The following CSMD2 variants were observed in gnomAD, a reference collection of about 807,000 sequenced individuals.
CSMD2 encodes CUB and sushi domain-containing protein 2.
A neutral mutation model predicts 398.5 loss-of-function variants in CSMD2; 130 were observed. The observed-to-expected ratio is 0.33, with a 90% confidence interval of 0.28 to 0.38. The LOEUF (loss-of-function observed/expected upper bound fraction) is 0.38, where lower values mean the gene tolerates loss of function less well. CSMD2 is among the 10% of genes least tolerant of loss of function. CSMD2 has a pLI of 1.00. For synonymous variants in CSMD2, 1,828 were observed against 1,908.5 expected, an observed-to-expected ratio of 0.96 and a Z score of 1.10; for missense variants, 3,829 against 4,764.9, an observed-to-expected ratio of 0.80 and a Z score of 5.78.
intron 5 of CSMD2, among the ~76,000 whole-genome samples, chr1:33,916,882 G>A (rs752637590): frequency 2.6e-5 from 4 of 152,082 alleles, no homozygotes; most frequent in African/African-American, 4.8e-5. Flanking sequence ...TGTTCCTACC[G>A]CCATGAAACC....
At chr1:34,035,218 A>G (rs1650966088) in intron 2 of CSMD2, among the ~76,000 whole-genome samples, 1 of 152,178 alleles carries the variant, frequency 6.6e-6, no homozygotes, top group South Asian at 2.1e-4. Context: ...TGAATTAGTA[A>G]TTTTAAAACT....
At chr1:34,063,399 T>C (rs900890003) in intron 2 of CSMD2, among the ~76,000 whole-genome samples, 17 of 152,196 alleles carry the variant, frequency 1.1e-4, no homozygotes, top group African/African-American at 4.1e-4. Context: ...CCTAGCTACA[T>C]GGCGGTACAG....
chr1:33,662,141 C>A (rs1166308429), intron 26 of CSMD2, among the ~76,000 whole-genome samples: 1 of 152,168 alleles, frequency 6.6e-6, no homozygotes, highest in Non-Finnish European at 1.5e-5. Flanking sequence ...GATGTTTGAG[C>A]ATTGGCCATT....
At chr1:33,986,276 A>G (rs114719472) in intron 3 of CSMD2, among the ~76,000 whole-genome samples, 2,172 of 152,084 alleles carry the variant, frequency 0.014, 24 homozygotes, top group Non-Finnish European at 0.02. Context: ...CTCTCAATCC[A>G]TGTCTTTCTG....
intron 2 of CSMD2, among the ~76,000 whole-genome samples, chr1:34,041,786 A>G (rs1651872819): frequency 6.6e-6 from 1 of 152,190 alleles, no homozygotes; most frequent in Admixed American, 6.5e-5. Flanking sequence ...CAATGTCCTC[A>G]TGAAATGCTT....
intron 6 of CSMD2, 80 bp from the exon 7 acceptor site, chr1:33,825,854 C>T: frequency 1.7e-6 from 2 of 1,161,940 alleles, no homozygotes; most frequent in South Asian, 1.3e-5. Flanking sequence ...AGGATTCCCC[C>T]TTGTGCCTTG....
chr1:34,073,366 T>G (rs1167695863), intron 2 of CSMD2, among the ~76,000 whole-genome samples: 1 of 152,268 alleles, frequency 6.6e-6, no homozygotes, highest in East Asian at 1.9e-4. Context: ...GAATCCATGT[T>G]TCTAATTAGT....
At chr1:33,872,740 T>C (rs1051499707) in intron 5 of CSMD2, among the ~76,000 whole-genome samples, 11 of 152,116 alleles carry the variant, frequency 7.2e-5, no homozygotes, top group African/African-American at 2.2e-4. Context: ...AATGAGGCCA[T>C]TGGACCCCTA....
At chr1:34,009,024 C>T (rs2148060457) in intron 3 of CSMD2, among the ~76,000 whole-genome samples, 1 of 152,260 alleles carries the variant, frequency 6.6e-6, no homozygotes, top group Non-Finnish European at 1.5e-5. Context: ...CTGACACACA[C>T]ACAACACAAC....
intron 10 of CSMD2, 93 bp downstream of exon 10, chr1:33,810,650 T>G: frequency 8.2e-7 from 1 of 1,220,982 alleles, no homozygotes; most frequent in Non-Finnish European, 1.2e-6. Context: ...GAATCTACCA[T>G]CAGTAAGTTC....
chr1:33,923,102 A>G (rs941189540), intron 4 of CSMD2, among the ~76,000 whole-genome samples: 1 of 152,126 alleles, frequency 6.6e-6, no homozygotes, highest in Non-Finnish European at 1.5e-5. Context: ...TTATTGTTAT[A>G]AAATATTTGT....
chr1:33,915,639 T>C (rs1643682948), intron 5 of CSMD2, among the ~76,000 whole-genome samples: 1 of 152,152 alleles, frequency 6.6e-6, no homozygotes. Flanking sequence ...TAGGAGACCA[T>C]TTGGCCCATG....
intron 2 of CSMD2, among the ~76,000 whole-genome samples, chr1:34,041,256 A>C (rs1325303738): frequency 6.6e-6 from 1 of 152,174 alleles, no homozygotes; most frequent in Non-Finnish European, 1.5e-5. Context: ...TTTGGCTCGG[A>C]TACAACTGAG....
chr1:33,553,739 T>C (rs1657683604), intron 55 of CSMD2, among the ~76,000 whole-genome samples: 1 of 152,154 alleles, frequency 6.6e-6, no homozygotes, highest in African/African-American at 2.4e-5. Flanking sequence ...CTTCCGTGAA[T>C]ACATGAATAA....
In CSMD2 at chr1:34,056,079, T is replaced by G. The variant is rs147022451; in HGVS notation, c.405-23373A>C. ...ACCAGCCATATAGAATGGCATGCAA[T>G]TCCCTGAATATCACCGTGGTACACT... On this transcript the variant is annotated intron_variant, in intron 2 of 70. Coordinates refer to ENST00000373381, the MANE Select transcript of CSMD2 (RefSeq NM_001281956.2). Among the ~76,000 whole-genome samples the G allele has an allele frequency of 5.3e-5, 8 of 152,298 alleles. No homozygotes were observed. The East Asian group carries it at 1.5e-3, about 29-fold the overall frequency.
At chr1:33,756,347 T>G (rs1215502557) in intron 13 of CSMD2, among the ~76,000 whole-genome samples, 1 of 152,142 alleles carries the variant, frequency 6.6e-6, no homozygotes, top group Non-Finnish European at 1.5e-5. Context: ...CTGTCCCTAT[T>G]CTAGGTATGG....
In CSMD2 at chr1:33,787,662, C is replaced by T. The variant is rs547417602; in HGVS notation, c.1663+938G>A. ...GCCTAGACTTGATGTGTCTGTCCCC[C>T]TTGTGCTGGTCTAGCGTCTAGTACC... On this transcript the variant is annotated intron_variant, in intron 12 of 70. Coordinates refer to ENST00000373381, the MANE Select transcript of CSMD2 (RefSeq NM_001281956.2). 9.2e-5 allele frequency among the ~76,000 whole-genome samples: 14 copies of T among 152,314 alleles called. No homozygotes were observed. The South Asian group carries it at 2.9e-3, about 32-fold the overall frequency.
chr1:33,840,747 G>T (rs565276002), intron 6 of CSMD2, among the ~76,000 whole-genome samples: 10 of 152,328 alleles, frequency 6.6e-5, no homozygotes, highest in African/African-American at 2.4e-4. Context: ...CACGAGCTCA[G>T]TTTTGTGGAC....
intron 1 of CSMD2, among the ~76,000 whole-genome samples, chr1:34,094,142 C>T (rs369797186): frequency 1.3e-5 from 2 of 151,986 alleles, no homozygotes; most frequent in African/African-American, 4.8e-5. Context: ...CCCAGAATTT[C>T]ATATCCAGCC....
Sources: allele counts gnomAD v4.1 joint callset (sites outside exome capture counted in the v4.1 genomes callset), GRCh38; gene constraint gnomAD v4.1.1; transcripts MANE v1.5; gene names NCBI Gene and HGNC (gene_info 2026-07-23, HGNC 2026-07-21).